FGF14: variants seen among roughly 807,000 people sequenced by gnomAD.
FGF14 encodes the protein fibroblast growth factor homologous factor 4.
FGF14 carries 5 observed loss-of-function variants against 25.5 expected under a neutral mutation model. The ratio of observed to expected loss-of-function variants is 0.20; its 90% CI spans 0.10 to 0.41. The LOEUF (loss-of-function observed/expected upper bound fraction) is 0.41, where lower values mean the gene tolerates loss of function less well. FGF14 is among the 10% of genes least tolerant of loss of function. FGF14 has a pLI of 1.00. For synonymous variants in FGF14, 138 were observed against 118.3 expected, an observed-to-expected ratio of 1.17 and a Z score of -1.08; for missense variants, 222 against 320.1, an observed-to-expected ratio of 0.69 and a Z score of 2.34.
intron 1 of FGF14, among the ~76,000 whole-genome samples, chr13:102,014,479 C>T (rs556786664): frequency 5.9e-5 from 9 of 152,206 alleles, no homozygotes; most frequent in South Asian, 2.1e-4. Flanking sequence ...TAAGCATCAT[C>T]GCAAGTGCAT....
rs1345613278 is a variant in FGF14 at position 102,400,631 on chromosome 13, A to G, written c.208+840T>C. On this transcript the variant is annotated intron_variant, in intron 1 of 4. Coordinates refer to the FGF14 transcript ENST00000376131. This position sits in a 1 kb window ranked among gnomAD's most constrained non-coding sequence, Gnocchi z 4.3. The stretch of plus-strand genomic sequence containing the variant: ...CAGATGCATTTGCATTTCTTATGTA[A>G]TGTACTGCAAGTTCCCTTGTTGGAG... Among the ~76,000 whole-genome samples the G allele has an allele frequency of 6.6e-6, 1 of 152,140 alleles. No homozygotes were observed. The highest frequency in any genetic ancestry group is 1.9e-4 in the East Asian group (1 of 5,170).
At chr13:102,336,438 T>C (rs1420651800) in intron 1 of FGF14, among the ~76,000 whole-genome samples, 1 of 151,856 alleles carries the variant, frequency 6.6e-6, no homozygotes, top group Non-Finnish European at 1.5e-5. Context: ...GCCACAGAAT[T>C]AAAAATGGAA....
At chr13:101,984,945 T>C (rs2038480094) in intron 1 of FGF14, among the ~76,000 whole-genome samples, 1 of 152,140 alleles carries the variant, frequency 6.6e-6, no homozygotes, top group Non-Finnish European at 1.5e-5. Context: ...ACTTGGACTA[T>C]GGTTAAAACT....
intron 1 of FGF14, among the ~76,000 whole-genome samples, chr13:101,996,051 C>T (rs1323500390): frequency 6.6e-6 from 1 of 152,104 alleles, no homozygotes; most frequent in African/African-American, 2.4e-5. Flanking sequence ...AGGGGATGGA[C>T]ACCCCATTCT....
chr13:102,315,803 G>A (rs1331567990), intron 1 of FGF14, among the ~76,000 whole-genome samples: 1 of 152,150 alleles, frequency 6.6e-6, no homozygotes, highest in Non-Finnish European at 1.5e-5. Flanking sequence ...AAGGCAGTGA[G>A]CCTAACACAG....
At chr13:102,255,666 C>A (rs1207080257) in intron 1 of FGF14, among the ~76,000 whole-genome samples, 2 of 152,112 alleles carry the variant, frequency 1.3e-5, no homozygotes, top group East Asian at 3.9e-4. Flanking sequence ...ATTATCTCAT[C>A]AAGGAATTCT....
intron 1 of FGF14, among the ~76,000 whole-genome samples, chr13:101,975,974 T>G (rs967241998): frequency 1.3e-5 from 2 of 152,204 alleles, no homozygotes. Flanking sequence ...TGGGAAGCAT[T>G]TGGAACCTTA....
At chr13:102,200,143 A>G (rs1054441570) in intron 1 of FGF14, among the ~76,000 whole-genome samples, 1 of 152,202 alleles carries the variant, frequency 6.6e-6, no homozygotes, top group Non-Finnish European at 1.5e-5. Flanking sequence ...GAACACACAC[A>G]CACATATATG....
intron 1 of FGF14, among the ~76,000 whole-genome samples, chr13:101,931,806 G>T (rs372363374): frequency 6.6e-6 from 1 of 152,250 alleles, no homozygotes; most frequent in East Asian, 1.9e-4. Context: ...TGAAGAACGC[G>T]ATTGACCCAT....
In FGF14 at chr13:102,261,531, A is replaced by C. The variant is rs1482816664; in HGVS notation, c.208+139940T>G. Among the ~76,000 whole-genome samples the C allele has an allele frequency of 3.9e-5, 6 of 152,214 alleles. No homozygotes were observed. In the East Asian group the frequency reaches 1.2e-3, roughly 29 times the overall value. On this transcript the variant is annotated intron_variant, in intron 1 of 4. Transcript: ENST00000376131. The stretch of plus-strand genomic sequence containing the variant: ...GCACATGTCTTGCATATTCCAAAAT[A>C]ACCCGTTATACTACCCTCTCTTTCC...
Position 102,063,140 on chromosome 13 carries a change from ATAT to A in FGF14, c.209-187847_209-187845del, listed in dbSNP as rs1431881418. 8.5e-5 allele frequency among the ~76,000 whole-genome samples: 13 copies of A among 152,310 alleles called. 1 individual carries two copies. The highest frequency in any genetic ancestry group is 3.1e-4 in the African/African-American group (13 of 41,564). ...CTGTAAAATGCTTTGTATTCACATA[ATAT>A]TATTAATGTTCTATAACATAGTGAA... On this transcript the variant is annotated intron_variant, in intron 1 of 4. Transcript: ENST00000376131.
At chr13:102,060,784 A>C (rs1281025988) in intron 1 of FGF14, among the ~76,000 whole-genome samples, 1 of 152,162 alleles carries the variant, frequency 6.6e-6, no homozygotes, top group East Asian at 1.9e-4. Flanking sequence ...CCATGGACCT[A>C]AGTGAGGACA....
At chr13:101,858,696 T>A (rs1296152654) in intron 3 of FGF14, among the ~76,000 whole-genome samples, 1 of 152,092 alleles carries the variant, frequency 6.6e-6, no homozygotes, top group Non-Finnish European at 1.5e-5. Flanking sequence ...CCAGAGGAAA[T>A]CAGGATAAAA....
chr13:101,775,184 C>A (rs1927714), intron 3 of FGF14, among the ~76,000 whole-genome samples: 1 of 151,762 alleles, frequency 6.6e-6, no homozygotes, highest in African/African-American at 2.4e-5. Flanking sequence ...ATATAATGCA[C>A]ACACATGAAA....
chr13:101,836,378 T>C (rs980882405), intron 3 of FGF14, among the ~76,000 whole-genome samples: 2 of 152,082 alleles, frequency 1.3e-5, no homozygotes, highest in Non-Finnish European at 2.9e-5. Flanking sequence ...AAAGATGTTT[T>C]AGTTGCAATA....
intron 1 of FGF14, among the ~76,000 whole-genome samples, chr13:101,998,424 G>A (rs185099147): frequency 8.1e-4 from 123 of 152,284 alleles, no homozygotes; most frequent in African/African-American, 2.7e-3. Flanking sequence ...ATACAAACCA[G>A]AACTCTTTGG....
At chr13:102,314,171 A>C (rs2055908020) in intron 1 of FGF14, among the ~76,000 whole-genome samples, 1 of 152,222 alleles carries the variant, frequency 6.6e-6, no homozygotes, top group Non-Finnish European at 1.5e-5. Context: ...CTGCTTGTAC[A>C]GTCAAAATTT....
chr13:102,358,879 C>T (rs1018790333), intron 1 of FGF14, among the ~76,000 whole-genome samples: 4 of 152,098 alleles, frequency 2.6e-5, no homozygotes, highest in African/African-American at 9.7e-5. Context: ...GGAAAATGTG[C>T]ATCACCACTA....
intron 1 of FGF14, among the ~76,000 whole-genome samples, chr13:101,924,345 T>C (rs994739278): frequency 1.3e-5 from 2 of 152,128 alleles, no homozygotes; most frequent in Non-Finnish European, 2.9e-5. Context: ...GAGTTAAACA[T>C]ATATGTAAAC....
Sources: gnomAD v4.1 joint callset for allele counts (sites outside exome capture counted in the v4.1 genomes callset) on GRCh38, gnomAD v4.1.1 for gene constraint, Gnocchi (gnomAD v3.1) non-coding constraint, MANE v1.5 for transcripts, NCBI Gene and HGNC (gene_info 2026-07-23, HGNC 2026-07-21) for gene names.